Variants in ANKRD55 observed in about 807,000 individuals in gnomAD.
ANKRD55 encodes ankyrin repeat domain-containing protein 55.
A neutral mutation model predicts 60.6 loss-of-function variants in ANKRD55; 41 were observed. That is an observed-to-expected ratio of 0.68 (90% CI 0.53 to 0.88). The LOEUF is 0.88. ANKRD55 is among the 40% of genes least tolerant of loss of function. The pLI is 0.00. For synonymous variants in ANKRD55, 264 were observed against 290.3 expected (o/e 0.91, Z 0.92); for missense variants, 732 against 767.6 (o/e 0.95, Z 0.55).
At chr5:56,192,916 A>G in intron 2 of ANKRD55, 1 of 634,128 alleles carries the variant, frequency 1.6e-6, no homozygotes, top group Admixed American at 2.6e-5. Flanking sequence ...TTATGAGTTC[A>G]GAAGAAAATA....
At chr5:56,149,956 C>T (rs1451356147) in intron 6 of ANKRD55, among the ~76,000 whole-genome samples, 1 of 151,948 alleles carries the variant, frequency 6.6e-6, no homozygotes, top group Non-Finnish European at 1.5e-5. Flanking sequence ...ATTCTCCTGC[C>T]TCAGCCTCTC....
intron 2 of ANKRD55, among the ~76,000 whole-genome samples, chr5:56,217,229 A>G (rs531331709): frequency 6.6e-6 from 1 of 152,350 alleles, no homozygotes; most frequent in Admixed American, 6.5e-5. Context: ...TAAGCCTACT[A>G]TTGAGACCTA....
At chr5:56,210,168 C>T (rs894247246) in intron 2 of ANKRD55, among the ~76,000 whole-genome samples, 1 of 151,968 alleles carries the variant, frequency 6.6e-6, no homozygotes, top group Non-Finnish European at 1.5e-5. Flanking sequence ...CCACCACCCC[C>T]GAAATGGTCA....
At chr5:56,167,479 A>G (rs1758511005) in intron 5 of ANKRD55, among the ~76,000 whole-genome samples, 1 of 152,234 alleles carries the variant, frequency 6.6e-6, no homozygotes, top group Admixed American at 6.5e-5. Flanking sequence ...GATTTGCTGT[A>G]TGGTTGTTAG....
intron 2 of ANKRD55, among the ~76,000 whole-genome samples, chr5:56,230,733 G>T (rs1760232840): frequency 6.6e-6 from 1 of 152,090 alleles, no homozygotes; most frequent in Non-Finnish European, 1.5e-5. Context: ...TCTAGGTCTT[G>T]CTATAAATGG....
At chr5:56,170,583 A>AAT in intron 5 of ANKRD55, 111 bp downstream of exon 5, 1 of 822,104 alleles carries the variant, frequency 1.2e-6, no homozygotes, top group Non-Finnish European at 1.9e-6. Flanking sequence ...AAAAAAAAAA[A>AAT]GATGGTTTTC....
intron 7 of ANKRD55, 25 bp from the exon 8 acceptor site, chr5:56,127,131 C>T (rs777977252): frequency 3.8e-6 from 6 of 1,574,516 alleles, no homozygotes; most frequent in Non-Finnish European, 5.2e-6. Flanking sequence ...CAAAGAAAGC[C>T]CATTATGTAC....
At chr5:56,226,427 G>A (rs1462856855) in intron 2 of ANKRD55, among the ~76,000 whole-genome samples, 2 of 152,078 alleles carry the variant, frequency 1.3e-5, no homozygotes, top group South Asian at 4.1e-4. Flanking sequence ...CATGGGCAAG[G>A]ACTTCACGTC....
intron 6 of ANKRD55, among the ~76,000 whole-genome samples, chr5:56,153,295 G>A (rs192721644): frequency 2.0e-5 from 3 of 152,048 alleles, no homozygotes; most frequent in Admixed American, 1.3e-4. Context: ...ACAACGACAC[G>A]CAGCTATTTT....
chr5:56,199,257 A>C (rs1759304741), intron 2 of ANKRD55, among the ~76,000 whole-genome samples: 1 of 152,102 alleles, frequency 6.6e-6, no homozygotes, highest in African/African-American at 2.4e-5. Context: ...TTACCTCTCT[A>C]GTTTTCAGTT....
At chr5:56,168,465 A>G (rs1758535690) in intron 5 of ANKRD55, among the ~76,000 whole-genome samples, 1 of 152,084 alleles carries the variant, frequency 6.6e-6, no homozygotes, top group African/African-American at 2.4e-5. Context: ...CATTACTCTT[A>G]TTTTACTTAG....
intron 2 of ANKRD55, among the ~76,000 whole-genome samples, chr5:56,219,688 TC>T (rs149662847): frequency 0.034 from 5,106 of 152,312 alleles, 245 homozygotes; most frequent in East Asian, 0.18. Context: ...ATCATGTGAC[TC>T]CTGGTTAGTG....
rs761335053 is a variant in ANKRD55, at chr5:56,176,160, T to C, written c.304A>G (p.Thr102Ala). 1.2e-5 allele frequency: 20 copies of C among 1,614,174 alleles called. No individual in the cohort carries two copies. Among genetic ancestry groups the C allele is most frequent in the Non-Finnish European group, 1.7e-5 (20 of 1,180,020 alleles). The change falls in exon 4 of 12, where the codon ACC (threonine) becomes GCC (alanine). Residue 102 changes from threonine to alanine, a missense_variant. Around this residue, in one of 3 missense-constraint regions of ANKRD55, gnomAD observed 131 missense variants for 142.7 expected, o/e 0.92. Transcript: ENST00000341048. ...CAGGCACAAGTCAGTACCAGGTAGGTGGCCAGGCATAAACTTGTGCGGCCA... is the reference window on the plus strand; with the variant it reads ...CAGGCACAAGTCAGTACCAGGTAGGCGGCCAGGCATAAACTTGTGCGGCCA... ...AYGRTSLCLA[T>A]YLGWLEGCVS... is the part of the protein sequence containing the mutation.
At position 56,111,181 on chromosome 5, in the gene ANKRD55, G is replaced by C; in HGVS notation, c.1567C>G (p.Arg523Gly). Reference protein sequence around the residue: ...DKLLDRLLSVRPGHQEVSVPP... With the variant: ...DKLLDRLLSVGPGHQEVSVPP... The stretch of plus-strand genomic sequence containing the variant: ...ACGGAGACCTCTTGGTGACCAGGCC[G>C]GACACTGAGCAATCTGTCCAGCAGC... The change falls in exon 10 of 12, where the codon CGG becomes GGG. Residue 523 changes from arginine (R) to glycine (G), a missense_variant. By Grantham distance (125) the Arg-to-Gly change is moderately radical. Transcript: ENST00000341048. 1.9e-6 allele frequency: 3 copies of C among 1,614,200 alleles called. No homozygotes were observed. Among genetic ancestry groups the C allele is most frequent in the Non-Finnish European group, 2.5e-6 (3 of 1,180,036 alleles).
intron 5 of ANKRD55, among the ~76,000 whole-genome samples, chr5:56,162,925 G>A (rs569036430): frequency 7.9e-5 from 12 of 151,948 alleles, no homozygotes; most frequent in Non-Finnish European, 1.3e-4. Flanking sequence ...ATCCTCAGCC[G>A]CCCGAAGTGC....
At chr5:56,119,530 T>G (rs1756977294) in intron 8 of ANKRD55, among the ~76,000 whole-genome samples, 1 of 152,254 alleles carries the variant, frequency 6.6e-6, no homozygotes, top group South Asian at 2.1e-4. Context: ...TTCATGCATG[T>G]TAAAACACAT....
intron 10 of ANKRD55, among the ~76,000 whole-genome samples, chr5:56,108,037 T>A (rs532775264): frequency 1.3e-5 from 2 of 151,790 alleles, no homozygotes; most frequent in Non-Finnish European, 2.9e-5. Flanking sequence ...TCCTGGCTAA[T>A]TTTTTTTGTA....
At chr5:56,233,135 C>T in intron 1 of ANKRD55, 106 bp downstream of exon 1, 2 of 577,118 alleles carry the variant, frequency 3.5e-6, no homozygotes, top group Admixed American at 3.0e-5. Flanking sequence ...TACTCTATGG[C>T]CTCATTCATC....
At chr5:56,139,822 C>T (rs748798857) in intron 7 of ANKRD55, among the ~76,000 whole-genome samples, 7 of 152,056 alleles carry the variant, frequency 4.6e-5, no homozygotes, top group Admixed American at 6.6e-5. Context: ...CCTGTAATCC[C>T]GACACTTGGG....
Sources: gnomAD v4.1 joint callset for allele counts (sites outside exome capture counted in the v4.1 genomes callset) on GRCh38, gnomAD v4.1.1 for gene constraint, gnomAD v4.1.1 regional missense constraint, MANE v1.5 for transcripts, NCBI Gene and HGNC (gene_info 2026-07-23, HGNC 2026-07-21) for gene names.